Variants in CAPN14 observed in about 807,000 individuals in gnomAD.
CAPN14 encodes calpain 14, also known as calpain-14.
CAPN14 carries 94 observed loss-of-function variants against 101.3 expected under a neutral mutation model. That is an observed-to-expected ratio of 0.93 (90% CI 0.79 to 1.10). CAPN14 has a LOEUF of 1.10. Among genes scored for constraint, CAPN14 ranks in the 50% least tolerant of loss-of-function variants. The pLI is 0.00. For synonymous variants in CAPN14, 338 were observed against 317.9 expected (o/e 1.06, Z -0.67); for missense variants, 837 against 828.4 (o/e 1.01, Z -0.13).
At chr2:31,200,425 T>C in intron 6 of CAPN14, 26 bp downstream of exon 6, 1 of 1,538,792 alleles carries the variant, frequency 6.5e-7, no homozygotes, top group Non-Finnish European at 8.8e-7. Context: ...GAAGAGGACA[T>C]TCTGCCAGTG....
intron 12 of CAPN14, among the ~76,000 whole-genome samples, chr2:31,190,703 A>T (rs12468547): frequency 6.6e-6 from 1 of 152,086 alleles, no homozygotes; most frequent in African/African-American, 2.4e-5. Flanking sequence ...AGTGTTCAGT[A>T]TTCCTGTGAG....
intron 5 of CAPN14, 35 bp downstream of exon 5, chr2:31,201,827 C>A (rs749251): frequency 0.035 from 54,582 of 1,544,324 alleles, 1,118 homozygotes; most frequent in African/African-American, 0.055. Flanking sequence ...GAAAAAGAAG[C>A]GATGGGAAGG....
Position 31,201,811 on chromosome 2 carries a change from G to C in CAPN14, c.551+51C>G, listed in dbSNP as rs1572419152. On this transcript the variant is annotated intron_variant, in intron 5 of 21. Transcript: ENST00000403897. The stretch of plus-strand genomic sequence containing the variant: ...CTCCACTCCCCTCCCTCAACATTGA[G>C]AGAGAGAAAAAGAAGCGATGGGAAG... 9 of 1,542,410 alleles carry C rather than the reference G, an allele frequency of 5.8e-6. No individual in the cohort carries two copies. In the East Asian group the frequency reaches 9.8e-5, roughly 17 times the overall value.
chr2:31,189,680 T>C (rs971838936), intron 12 of CAPN14: 2 of 675,914 alleles, frequency 3.0e-6, no homozygotes, highest in Admixed American at 2.0e-5. Context: ...TGCTGGAACC[T>C]ATCAGGGGCT....
chr2:31,208,187 G>A (rs1036897550), intron 1 of CAPN14, among the ~76,000 whole-genome samples: 6 of 151,780 alleles, frequency 4.0e-5, no homozygotes, highest in African/African-American at 1.5e-4. Flanking sequence ...AAAAAAAACT[G>A]GAGTTTTTTT....
intron 1 of CAPN14, among the ~76,000 whole-genome samples, chr2:31,211,524 T>G (rs1168619182): frequency 6.6e-6 from 1 of 152,192 alleles, no homozygotes; most frequent in Admixed American, 6.5e-5. Flanking sequence ...TTGAGTAACC[T>G]GGTGCCATTA....
At chr2:31,202,827 A>G (rs1447392491) in intron 3 of CAPN14, among the ~76,000 whole-genome samples, 1 of 152,200 alleles carries the variant, frequency 6.6e-6, no homozygotes, top group Non-Finnish European at 1.5e-5. Flanking sequence ...TAAACTGGTA[A>G]TGAGGACTAT....
At chr2:31,202,279 C>T (rs542340666) in intron 3 of CAPN14, 27 bp from the exon 4 acceptor site, 1 of 1,514,768 alleles carries the variant, frequency 6.6e-7, no homozygotes. Flanking sequence ...ACAGCATCTG[C>T]ATGAATCTAC....
At chr2:31,183,686 A>G (rs933974090) in intron 16 of CAPN14, among the ~76,000 whole-genome samples, 2 of 152,186 alleles carry the variant, frequency 1.3e-5, no homozygotes, top group Non-Finnish European at 2.9e-5. Context: ...GTCAGGAAAC[A>G]ACAGGTGCTG....
At chr2:31,183,411 G>C (rs1169453863) in intron 16 of CAPN14, among the ~76,000 whole-genome samples, 2 of 152,160 alleles carry the variant, frequency 1.3e-5, no homozygotes, top group African/African-American at 4.8e-5. Flanking sequence ...CCTACAAAAT[G>C]GGAGAAAATT....
intron 1 of CAPN14, among the ~76,000 whole-genome samples, chr2:31,227,710 TCTC>T (rs1487126706): frequency 6.6e-6 from 1 of 152,220 alleles, no homozygotes; most frequent in African/African-American, 2.4e-5. Context: ...CTCGGCCTGA[TCTC>T]ATCAGTAGGA....
At chr2:31,176,529 C>A in intron 21 of CAPN14, 58 bp downstream of exon 21, 1 of 1,390,058 alleles carries the variant, frequency 7.2e-7, no homozygotes, top group Non-Finnish European at 1.0e-6. Context: ...GAGCATGGTC[C>A]CGCAAGGGCC....
At chr2:31,193,110 T>C in intron 10 of CAPN14, 21 bp downstream of exon 10, 1 of 1,544,290 alleles carries the variant, frequency 6.5e-7, no homozygotes, top group Non-Finnish European at 8.7e-7. Context: ...CTGAGAGCCC[T>C]GCTCCTGTGC....
intron 7 of CAPN14, among the ~76,000 whole-genome samples, chr2:31,197,824 G>A (rs2148686690): frequency 6.6e-6 from 1 of 152,280 alleles, no homozygotes; most frequent in African/African-American, 2.4e-5. Flanking sequence ...CCAAGCCAAG[G>A]AACACCTGGA....
chr2:31,192,605 G>A (rs916454491), intron 10 of CAPN14, among the ~76,000 whole-genome samples: 1 of 152,162 alleles, frequency 6.6e-6, no homozygotes, highest in Non-Finnish European at 1.5e-5. Context: ...CCACAGTGGA[G>A]GAAGGGACAG....
chr2:31,211,940 G>A (rs1317320917), intron 1 of CAPN14, among the ~76,000 whole-genome samples: 1 of 152,092 alleles, frequency 6.6e-6, no homozygotes, highest in Non-Finnish European at 1.5e-5. Flanking sequence ...AATAACTTTT[G>A]GGGTAATGGA....
At chr2:31,186,399 G>A (rs1434602927) in intron 16 of CAPN14, 29 bp downstream of exon 16, 1 of 1,519,934 alleles carries the variant, frequency 6.6e-7, no homozygotes, top group South Asian at 1.2e-5. Flanking sequence ...TCCCCTCTGA[G>A]TCCTACAGAA....
intron 19 of CAPN14, 33 bp from the exon 20 acceptor site, chr2:31,177,175 TG>T (rs1229947489): frequency 1.4e-6 from 2 of 1,479,566 alleles, no homozygotes; most frequent in South Asian, 1.2e-5. Context: ...CTGTGGGTAT[TG>T]GGGGCTTGCA....
Position 31,202,197 on chromosome 2 carries a change from C to G in CAPN14, c.351G>C (p.Leu117=), listed in dbSNP as rs1305600748. The part of the protein sequence containing the change: ...LQALALHQDI[L]SRVVPLNQSF... The stretch of plus-strand genomic sequence containing the variant: ...TCTGATTCAGGGGAACAACCCGGCT[C>G]AGGATGTCCTGGTGCAAGGCCAGAG... Residue 117 remains leucine (L), a synonymous_variant, in exon 4 of 22, where the codon CTG becomes CTC. Coordinates refer to ENST00000403897, the MANE Select transcript of CAPN14 (RefSeq NM_001145122.2). 1 of 1,551,828 alleles carries G rather than the reference C, an allele frequency of 6.4e-7. No homozygotes were observed. Among genetic ancestry groups the G allele is most frequent in the South Asian group, 1.2e-5 (1 of 84,064 alleles).
Sources: gnomAD v4.1 joint callset for allele counts (sites outside exome capture counted in the v4.1 genomes callset) on GRCh38, gnomAD v4.1.1 for gene constraint, MANE v1.5 for transcripts, NCBI Gene and HGNC (gene_info 2026-07-23, HGNC 2026-07-21) for gene names.